The following MSRA variants were observed in gnomAD, a reference collection of about 807,000 sequenced individuals.
MSRA encodes mitochondrial peptide methionine sulfoxide reductase.
A neutral mutation model predicts 31.3 loss-of-function variants in MSRA; 54 were observed. The observed-to-expected ratio is 1.73, with a 90% CI of 1.39 to 2.17. The LOEUF is 2.17. MSRA is among the 30% of genes most tolerant of loss of function. MSRA has a pLI of 0.00. For missense variants in MSRA, 507 were observed against 300.9 expected (o/e 1.69, Z -5.07); for synonymous variants, 169 against 116.5 (o/e 1.45, Z -2.90).
chr8:10,054,466 C>A lies in MSRA; in HGVS notation c.-51C>A. The A allele has an allele frequency of 6.5e-7, 1 of 1,528,666 alleles. No homozygotes were observed. The allele number at this position is 1,528,666 out of a possible 1,614,324, so 94.7% of individuals were successfully genotyped here. A position where few individuals can be genotyped will look rare whatever the true frequency, so the allele number is the denominator to read the frequency against. On this transcript the variant is annotated 5_prime_UTR_variant, in exon 1 of 6. Transcript: ENST00000317173. ...CTCTCTGCCGTTCCGGCTGCGGCTC[C>A]GCTGCCGGTAGCGCCGTCCCCCGGG...
At chr8:10,382,316 C>T (rs2129175136) in intron 5 of MSRA, among the ~76,000 whole-genome samples, 1 of 152,320 alleles carries the variant, frequency 6.6e-6, no homozygotes, top group African/African-American at 2.4e-5. Flanking sequence ...TGCACTGCGG[C>T]TCTCTTGAAT....
chr8:10,412,174 A>C (rs1202849329), intron 5 of MSRA, among the ~76,000 whole-genome samples: 1 of 152,252 alleles, frequency 6.6e-6, no homozygotes, highest in African/African-American at 2.4e-5. Flanking sequence ...AGTCATAAGG[A>C]AAATGTTTCC....
intron 2 of MSRA, among the ~76,000 whole-genome samples, chr8:10,221,426 G>GTATA (rs1293791786): frequency 7.2e-6 from 1 of 139,644 alleles, no homozygotes; most frequent in Non-Finnish European, 1.6e-5. Context: ...ATATATATAT[G>GTATA]TATATATGTG....
chr8:10,229,430 T>C (rs562979719), intron 2 of MSRA, among the ~76,000 whole-genome samples: 16 of 152,246 alleles, frequency 1.1e-4, no homozygotes, highest in African/African-American at 3.9e-4. Flanking sequence ...GGCTGCAGTA[T>C]GGTACGTTTC....
chr8:10,206,585 C>T (rs1261440303), intron 1 of MSRA, among the ~76,000 whole-genome samples: 1 of 152,208 alleles, frequency 6.6e-6, no homozygotes, highest in African/African-American at 2.4e-5. Context: ...AAAATAGCAC[C>T]TCCACTGCAC....
chr8:10,417,102 C>T (rs910064188), intron 5 of MSRA, among the ~76,000 whole-genome samples: 2 of 152,272 alleles, frequency 1.3e-5, no homozygotes, highest in Admixed American at 6.5e-5. Flanking sequence ...AGCTAGAGGC[C>T]GTGCATTTGC....
chr8:10,274,162 G>A (rs1357581878), intron 3 of MSRA, among the ~76,000 whole-genome samples: 1 of 152,202 alleles, frequency 6.6e-6, no homozygotes, highest in African/African-American at 2.4e-5. Flanking sequence ...TAGGTTTGGA[G>A]CAGAGTTAAT....
Position 10,339,556 on chromosome 8 carries a change from T to TTTTTTC in MSRA, c.543+19568_543+19569insTTTTCT, listed in dbSNP as rs1554531885. 2.5e-3 allele frequency among the ~76,000 whole-genome samples: 248 copies of TTTTTTC among 100,700 alleles called. 5 individuals carry two copies. Among genetic ancestry groups the TTTTTTC allele is most frequent in the East Asian group, 0.018 (50 of 2,752 alleles). The allele number at this position is 100,700 out of a possible 152,430, so 66.1% of individuals were successfully genotyped here. On this transcript the variant is annotated intron_variant, in intron 5 of 5. Coordinates refer to ENST00000317173, the MANE Select transcript of MSRA (RefSeq NM_012331.5). ...CTTTTTTTTTTTTTTTTTTTTTTTT[T>TTTTTTC]TCTGAGACGGAATCTCGTTCTGTCG...
chr8:10,162,035 G>A (rs1307390328), intron 1 of MSRA, among the ~76,000 whole-genome samples: 1 of 152,174 alleles, frequency 6.6e-6, no homozygotes, highest in Non-Finnish European at 1.5e-5. Context: ...CTTCCCTCAT[G>A]TCCTAGATTC....
intron 1 of MSRA, among the ~76,000 whole-genome samples, chr8:10,063,399 C>T (rs1003265117): frequency 7.2e-5 from 11 of 152,240 alleles, no homozygotes; most frequent in African/African-American, 2.7e-4. Flanking sequence ...CAATGACACT[C>T]TTCAATGCTG....
chr8:10,379,650 C>T (rs1805949876), intron 5 of MSRA, among the ~76,000 whole-genome samples: 1 of 152,178 alleles, frequency 6.6e-6, no homozygotes, highest in Admixed American at 6.5e-5. Flanking sequence ...AGTGGTAGCC[C>T]CTTTGTTTTG....
chr8:10,113,752 C>T (rs555579360), intron 1 of MSRA, among the ~76,000 whole-genome samples: 1 of 150,722 alleles, frequency 6.6e-6, no homozygotes, highest in Non-Finnish European at 1.5e-5. Flanking sequence ...TTAAGCAGCC[C>T]AGGTATTTGC....
At chr8:10,263,217 C>T (rs868710196) in intron 3 of MSRA, among the ~76,000 whole-genome samples, 4 of 152,216 alleles carry the variant, frequency 2.6e-5, no homozygotes, top group African/African-American at 4.8e-5. Context: ...CACCCCCAAA[C>T]GAAGTTGCCT....
intron 1 of MSRA, among the ~76,000 whole-genome samples, chr8:10,131,677 G>GT (rs1055158165): frequency 1.3e-5 from 2 of 152,160 alleles, no homozygotes; most frequent in Admixed American, 6.6e-5. Context: ...TCCATACCCT[G>GT]TGGTTAGAAG....
chr8:10,240,517 T>C (rs888252697), intron 2 of MSRA, among the ~76,000 whole-genome samples: 1 of 152,140 alleles, frequency 6.6e-6, no homozygotes, highest in South Asian at 2.1e-4. Flanking sequence ...GGCATTATCA[T>C]GTGGTAAAGA....
intron 3 of MSRA, among the ~76,000 whole-genome samples, chr8:10,274,148 A>C (rs1409190666): frequency 2.0e-5 from 3 of 152,230 alleles, no homozygotes; most frequent in Non-Finnish European, 4.4e-5. Context: ...CAGAGAAAGA[A>C]GGGTAGGTTT....
At chr8:10,145,038 T>G (rs1803023175) in intron 1 of MSRA, among the ~76,000 whole-genome samples, 1 of 152,182 alleles carries the variant, frequency 6.6e-6, no homozygotes, top group South Asian at 2.1e-4. Flanking sequence ...AATAAATAGC[T>G]GTCAGGCTTA....
intron 1 of MSRA, among the ~76,000 whole-genome samples, chr8:10,127,810 T>A (rs553210316): frequency 2.0e-5 from 3 of 152,200 alleles, no homozygotes; most frequent in Non-Finnish European, 4.4e-5. Flanking sequence ...CATGTAGATA[T>A]GAAAACCTCA....
chr8:10,339,358 A>G (rs528849256), intron 5 of MSRA, among the ~76,000 whole-genome samples: 1 of 152,278 alleles, frequency 6.6e-6, no homozygotes, highest in African/African-American at 2.4e-5. Context: ...ACCTTGTTTC[A>G]TGAGTTTCCA....
Sources: allele counts gnomAD v4.1 joint callset (sites outside exome capture counted in the v4.1 genomes callset), GRCh38; gene constraint gnomAD v4.1.1; transcripts MANE v1.5; gene names NCBI Gene and HGNC (gene_info 2026-07-23, HGNC 2026-07-21).